The following DPP6 variants were observed in gnomAD, a reference collection of about 807,000 sequenced individuals.
The protein encoded by DPP6 is A-type potassium channel modulatory protein DPP6.
In DPP6, 69 loss-of-function variants were observed where a neutral mutation model predicts 122.6. The observed-to-expected ratio is 0.56, with a 90% CI of 0.46 to 0.69. The LOEUF is 0.69. Among genes scored for constraint, DPP6 ranks in the 30% least tolerant of loss-of-function variants. The pLI, the probability that DPP6 is intolerant of heterozygous loss-of-function variation, is 0.00. For synonymous variants in DPP6, 418 were observed against 433.1 expected (o/e 0.97, Z 0.43); for missense variants, 928 against 1,116.9 (o/e 0.83, Z 2.41).
At chr7:153,999,960 CAAAG>C (rs749822103) in intron 1 of DPP6, among the ~76,000 whole-genome samples, 87 of 147,828 alleles carry the variant, frequency 5.9e-4, no homozygotes, top group Admixed American at 9.5e-4. Context: ...ACCCCCATCT[CAAAG>C]AAAGAAAGAA....
intron 9 of DPP6, among the ~76,000 whole-genome samples, chr7:154,771,689 C>A (rs891522381): frequency 6.6e-6 from 1 of 152,218 alleles, no homozygotes; most frequent in African/African-American, 2.4e-5. Flanking sequence ...ACCCTTATGG[C>A]CACAGCCTTC....
chr7:154,140,152 A>G (rs1018968330), intron 1 of DPP6, among the ~76,000 whole-genome samples: 3 of 152,196 alleles, frequency 2.0e-5, no homozygotes, highest in Admixed American at 6.5e-5. Flanking sequence ...ATGTGCACTC[A>G]AGGAGCTCAC....
chr7:154,382,063 T>A, intron 1 of DPP6, among the ~76,000 whole-genome samples: 1 of 114,294 alleles, frequency 8.7e-6, no homozygotes, highest in South Asian at 3.3e-4. Context: ...GAAACCCCCC[T>A]TTTTTTTTCC....
chr7:154,740,732 A>G (rs1586994267), intron 8 of DPP6, among the ~76,000 whole-genome samples: 1 of 152,146 alleles, frequency 6.6e-6, no homozygotes, highest in Non-Finnish European at 1.5e-5. Context: ...CTCAGTTGCA[A>G]TGGTGGGGGC....
intron 1 of DPP6, among the ~76,000 whole-genome samples, chr7:154,378,282 G>A (rs1813298090): frequency 6.6e-6 from 1 of 152,172 alleles, no homozygotes; most frequent in East Asian, 1.9e-4. Context: ...AGTAGAATAA[G>A]CCATTGTATG....
intron 1 of DPP6, among the ~76,000 whole-genome samples, chr7:154,443,741 G>C (rs569985526): frequency 1.6e-4 from 24 of 152,302 alleles, no homozygotes; most frequent in Non-Finnish European, 3.2e-4. Flanking sequence ...GATGGATGTG[G>C]ATCACTGGGT....
chr7:154,687,245 G>A (rs994727744), intron 7 of DPP6, among the ~76,000 whole-genome samples: 1 of 152,186 alleles, frequency 6.6e-6, no homozygotes, highest in African/African-American at 2.4e-5. Flanking sequence ...AGCATTAGCT[G>A]TAATTGAGTC....
intron 10 of DPP6, among the ~76,000 whole-genome samples, chr7:154,784,946 G>C (rs927241924): frequency 6.6e-6 from 1 of 151,860 alleles, no homozygotes; most frequent in Non-Finnish European, 1.5e-5. Flanking sequence ...CTTATTTCTT[G>C]AGGAGCTTGA....
At chr7:154,779,280 C>T (rs910927472) in intron 10 of DPP6, among the ~76,000 whole-genome samples, 5 of 47,904 alleles carry the variant, frequency 1.0e-4, no homozygotes, top group African/African-American at 2.2e-4. Flanking sequence ...ACCACCTCCA[C>T]CACCACCCCC....
chr7:153,993,665 TG>T (rs1245573817), intron 1 of DPP6, among the ~76,000 whole-genome samples: 1 of 152,218 alleles, frequency 6.6e-6, no homozygotes, highest in Admixed American at 6.5e-5. Flanking sequence ...GAAATCATAA[TG>T]GGTGTGAGTT....
At chr7:154,465,166 G>A (rs1006331658) in intron 2 of DPP6, among the ~76,000 whole-genome samples, 14 of 152,152 alleles carry the variant, frequency 9.2e-5, no homozygotes, top group African/African-American at 3.1e-4. Context: ...GGGGCCTACT[G>A]TAAGTAAGTT....
rs989382232 is a variant in DPP6 at position 154,541,487 on chromosome 7, G to T, written c.552+861G>T. Among the ~76,000 whole-genome samples, 4 of 152,148 alleles carry T rather than the reference G, an allele frequency of 2.6e-5. No individual in the cohort carries two copies. In the South Asian group the frequency reaches 8.3e-4, roughly 31 times the overall value. On this transcript the variant is annotated intron_variant, in intron 4 of 25. Coordinates refer to ENST00000377770, the MANE Select transcript of DPP6 (RefSeq NM_130797.4). ...GATGTTCATGTACGGTTAAAGATAT[G>T]TATTAGAAATATTGACTGGAGTTAT...
intron 1 of DPP6, among the ~76,000 whole-genome samples, chr7:154,120,643 T>C (rs1167888953): frequency 6.6e-6 from 1 of 152,134 alleles, no homozygotes; most frequent in East Asian, 1.9e-4. Context: ...TCTATACAAG[T>C]TTCATGATTT....
intron 25 of DPP6, 124 bp from the exon 26 acceptor site, chr7:154,892,210 T>G (rs1437317690): frequency 7.6e-7 from 1 of 1,318,222 alleles, no homozygotes. Context: ...GCAAACCCAC[T>G]TCATCAACTA....
intron 16 of DPP6, among the ~76,000 whole-genome samples, chr7:154,811,504 T>G (rs1289540261): frequency 6.6e-6 from 1 of 152,136 alleles, no homozygotes; most frequent in Non-Finnish European, 1.5e-5. Flanking sequence ...GAGGTGGCAT[T>G]TAAAACAAAT....
chr7:153,895,723 TGC>T lies in DPP6; in HGVS notation c.51+7991_51+7992del, dbSNP rs200360902. On this transcript the variant is annotated intron_variant, in intron 1 of 25. Transcript: ENST00000404039. ...AGCACACCATATACATGCATGTGCA[TGC>T]GTGCACACACACACACACACACACA... is the stretch of plus-strand genomic sequence containing the variant. Among the ~76,000 whole-genome samples the T allele has an allele frequency of 9.2e-3, 855 of 92,830 alleles. 14 individuals are homozygous for T. The highest frequency in any genetic ancestry group is 0.031 in the African/African-American group (804 of 26,252). 60.9% of individuals were successfully genotyped at this position (92,830 alleles called of 152,430 possible).
intron 1 of DPP6, among the ~76,000 whole-genome samples, chr7:154,000,939 C>A (rs1295975112): frequency 6.6e-6 from 1 of 152,130 alleles, no homozygotes; most frequent in Non-Finnish European, 1.5e-5. Context: ...CCCAGAGATC[C>A]ACCCTAAGGG....
rs538318512 is a variant in DPP6, at chr7:153,974,892, C to CAGT, written c.51+87158_51+87159insAGT. 3.8e-4 allele frequency among the ~76,000 whole-genome samples: 58 copies of CAGT among 152,338 alleles called. No homozygotes were observed. In the East Asian group the frequency reaches 0.011, roughly 29 times the overall value. On this transcript the variant is annotated intron_variant, in intron 1 of 25. Coordinates refer to the DPP6 transcript ENST00000404039. ...GAACCAAGCCTGCAGCAGGACTCAA[C>CAGT]TAAGTTGTCACTCTGGAGTGTTTTT...
intron 5 of DPP6, among the ~76,000 whole-genome samples, chr7:154,609,458 G>C (rs12672547): frequency 0.046 from 6,929 of 152,244 alleles, 396 homozygotes; most frequent in East Asian, 0.19. Context: ...TAATGCCCTT[G>C]TTTCTACAAC....
Sources: allele counts gnomAD v4.1 joint callset (sites outside exome capture counted in the v4.1 genomes callset), GRCh38; gene constraint gnomAD v4.1.1; transcripts MANE v1.5; gene names NCBI Gene and HGNC (gene_info 2026-07-23, HGNC 2026-07-21).